CACNA1I: variants seen among roughly 807,000 people sequenced by gnomAD.
CACNA1I encodes the protein voltage-dependent T-type calcium channel subunit alpha-1I.
CACNA1I carries 74 observed loss-of-function variants against 201.6 expected under a neutral mutation model. The observed-to-expected ratio is 0.37, with a 90% CI of 0.30 to 0.45. CACNA1I has a LOEUF of 0.45. Among genes scored for constraint, CACNA1I ranks in the 20% least tolerant of loss-of-function variants. The probability of loss-of-function intolerance (pLI) is 1.00; values close to 1 mark genes in which losing one functional copy is unlikely to be tolerated. For synonymous variants in CACNA1I, 1,431 were observed against 1,345.2 expected, an observed-to-expected ratio of 1.06 and a Z score of -1.40; for missense variants, 2,346 against 3,138.1, an observed-to-expected ratio of 0.75 and a Z score of 6.03.
Position 39,646,854 on chromosome 22 carries a change from C to A in CACNA1I, c.1435C>A (p.Pro479Thr), listed in dbSNP as rs1356502999. Reference protein sequence around the residue: ...PEAPAPAKPGPHAKEPRHYHG... With the variant: ...PEAPAPAKPGTHAKEPRHYHG... Reference sequence around the variant, plus strand: ...GGCCCCGGCCCCCGCCAAACCTGGGCCCCACGCCAAGGAGCCCCGGCACTA... The same window carrying A: ...GGCCCCGGCCCCCGCCAAACCTGGGACCCACGCCAAGGAGCCCCGGCACTA... The change falls in exon 8 of 37, where the codon CCC (proline) becomes ACC (threonine). Residue 479 changes from proline (P) to threonine (T), a missense_variant. This residue lies in a region of CACNA1I where 312 missense variants were observed against 331.5 expected (regional missense o/e 0.94). Coordinates refer to ENST00000402142, the MANE Select transcript of CACNA1I (RefSeq NM_021096.4). The A allele has an allele frequency of 6.6e-7, 1 of 1,516,364 alleles. No individual in the cohort carries two copies. The highest frequency in any genetic ancestry group is 1.3e-5 in the South Asian group (1 of 79,472). 93.9% of individuals were successfully genotyped at this position (1,516,364 alleles called of 1,614,324 possible). A position where few individuals can be genotyped will look rare whatever the true frequency, so the allele number is the denominator to read the frequency against.
At chr22:39,647,376 C>G (rs935791084) in intron 8 of CACNA1I, among the ~76,000 whole-genome samples, 4 of 152,294 alleles carry the variant, frequency 2.6e-5, no homozygotes, top group African/African-American at 9.6e-5. Flanking sequence ...GGGACTCATG[C>G]CACCCTGTGC....
At chr22:39,635,911 C>A (rs1934205557) in intron 5 of CACNA1I, among the ~76,000 whole-genome samples, 1 of 152,176 alleles carries the variant, frequency 6.6e-6, no homozygotes, top group African/African-American at 2.4e-5. Flanking sequence ...CGCCATCACA[C>A]AGCCCTGCTG....
At chr22:39,578,097 G>A (rs1932420348) in intron 1 of CACNA1I, among the ~76,000 whole-genome samples, 1 of 152,210 alleles carries the variant, frequency 6.6e-6, no homozygotes, top group African/African-American at 2.4e-5. Flanking sequence ...TGGCCAGGGT[G>A]GGAAATTGTT....
At position 39,660,334 on chromosome 22, in the gene CACNA1I, G is replaced by A. The variant is rs1934965252; in HGVS notation, c.2605-10G>A. Reference sequence around the variant, plus strand: ...TGACCTGCATTCTAACGTGACGGATGCTCTCCCAGGGTGACGCCAATCGCT... The same window carrying A: ...TGACCTGCATTCTAACGTGACGGATACTCTCCCAGGGTGACGCCAATCGCT... On this transcript the variant is annotated splice_polypyrimidine_tract_variant and intron_variant, in intron 14 of 36. Coordinates refer to ENST00000402142, the MANE Select transcript of CACNA1I (RefSeq NM_021096.4). 6.2e-7 allele frequency: 1 copy of A among 1,607,906 alleles called. No individual in the cohort carries two copies. Among genetic ancestry groups the A allele is most frequent in the South Asian group, 1.1e-5 (1 of 90,236 alleles).
At chr22:39,640,323 A>G (rs1015641142) in intron 5 of CACNA1I, among the ~76,000 whole-genome samples, 7 of 152,136 alleles carry the variant, frequency 4.6e-5, no homozygotes, top group African/African-American at 9.7e-5. Context: ...CAGGAGGTGG[A>G]GGTTGCAGTG....
At chr22:39,669,971 A>T in intron 24 of CACNA1I, 67 bp from the exon 25 acceptor site, 9 of 1,572,054 alleles carry the variant, frequency 5.7e-6, no homozygotes, top group Non-Finnish European at 7.9e-6. Context: ...CTCAGCCAGG[A>T]TGGGCACCTC....
intron 1 of CACNA1I, 163 bp downstream of exon 1, chr22:39,571,151 G>T: frequency 1.6e-6 from 1 of 642,472 alleles, no homozygotes; most frequent in Non-Finnish European, 2.8e-6. Context: ...GGTGGGTCTG[G>T]GGAGACCTCA....
At chr22:39,640,685 TG>T (rs1421123035) in intron 5 of CACNA1I, among the ~76,000 whole-genome samples, 181 bp from the exon 6 acceptor site, 1 of 151,994 alleles carries the variant, frequency 6.6e-6, no homozygotes, top group African/African-American at 2.4e-5. Context: ...AGTGGGCCAG[TG>T]GGGGTTTTCA....
At chr22:39,579,441 A>G (rs548132180) in intron 1 of CACNA1I, among the ~76,000 whole-genome samples, 1 of 152,302 alleles carries the variant, frequency 6.6e-6, no homozygotes, top group Admixed American at 6.5e-5. Flanking sequence ...GTCTGTTTGC[A>G]TTGCTGTGTA....
chr22:39,580,571 C>A (rs1266203780), intron 1 of CACNA1I, among the ~76,000 whole-genome samples: 1 of 152,144 alleles, frequency 6.6e-6, no homozygotes, highest in East Asian at 1.9e-4. Flanking sequence ...TTTTCCAGAA[C>A]AGTTCAGGGA....
intron 1 of CACNA1I, among the ~76,000 whole-genome samples, chr22:39,571,743 C>G (rs774567667): frequency 1.6e-4 from 25 of 152,266 alleles, no homozygotes; most frequent in Non-Finnish European, 3.1e-4. Flanking sequence ...ATCACCTCCT[C>G]AGGGAAGCCC....
chr22:39,666,465 T>C lies in CACNA1I; in HGVS notation c.4104+459T>C, dbSNP rs972177339. ...AAGCCCTTGGCCCGGGGTGGTACTC[T>C]CTCCCCTCACCCACCGCTGCTCTCT... On this transcript the variant is annotated intron_variant, in intron 23 of 36. Coordinates refer to ENST00000402142, the MANE Select transcript of CACNA1I (RefSeq NM_021096.4). This position sits in a 1 kb window ranked among gnomAD's most constrained non-coding sequence, Gnocchi z 4.1. 1.2e-4 allele frequency among the ~76,000 whole-genome samples: 18 copies of C among 152,196 alleles called. No individual in the cohort carries two copies. The East Asian group carries it at 1.6e-3, about 13-fold the overall frequency.
chr22:39,624,376 AT>A (rs1051025631), intron 4 of CACNA1I, among the ~76,000 whole-genome samples: 28 of 152,246 alleles, frequency 1.8e-4, no homozygotes, highest in Admixed American at 5.9e-4. Flanking sequence ...TGTGCCCAAC[AT>A]CCCCCTGCGC....
intron 1 of CACNA1I, among the ~76,000 whole-genome samples, chr22:39,592,737 C>T (rs956163144): frequency 6.6e-5 from 10 of 152,340 alleles, no homozygotes; most frequent in Admixed American, 3.3e-4. Flanking sequence ...AGGTTGTCCC[C>T]GAACCTCACG....
At chr22:39,675,993 A>C (rs1342698355) in intron 29 of CACNA1I, among the ~76,000 whole-genome samples, 2 of 152,124 alleles carry the variant, frequency 1.3e-5, no homozygotes, top group African/African-American at 4.8e-5. Flanking sequence ...CTAGACAAGG[A>C]AGGCTGCAGC....
At chr22:39,635,909 C>A (rs1181711757) in intron 5 of CACNA1I, among the ~76,000 whole-genome samples, 1 of 152,180 alleles carries the variant, frequency 6.6e-6, no homozygotes, top group Non-Finnish European at 1.5e-5. Context: ...CTCGCCATCA[C>A]ACAGCCCTGC....
At chr22:39,590,351 C>T (rs1932807095) in intron 1 of CACNA1I, among the ~76,000 whole-genome samples, 1 of 152,230 alleles carries the variant, frequency 6.6e-6, no homozygotes, top group African/African-American at 2.4e-5. Context: ...TCCCCTTCTT[C>T]CTGCAGGTAG....
intron 1 of CACNA1I, among the ~76,000 whole-genome samples, chr22:39,579,481 G>C (rs1357865938): frequency 6.6e-6 from 1 of 152,198 alleles, no homozygotes; most frequent in African/African-American, 2.4e-5. Flanking sequence ...AGTTTATAAA[G>C]AAGAGAGGTT....
chr22:39,675,607 G>A (rs1404950143), intron 29 of CACNA1I, among the ~76,000 whole-genome samples: 1 of 152,248 alleles, frequency 6.6e-6, no homozygotes, highest in Non-Finnish European at 1.5e-5. Context: ...TGCTCATGTT[G>A]TTGTATGGAC....
Sources: allele counts gnomAD v4.1 joint callset (sites outside exome capture counted in the v4.1 genomes callset), GRCh38; gene constraint gnomAD v4.1.1; regional missense constraint gnomAD v4.1.1; non-coding constraint Gnocchi (gnomAD v3.1); transcripts MANE v1.5; gene names NCBI Gene and HGNC (gene_info 2026-07-23, HGNC 2026-07-21).